The following FRYL variants were observed in gnomAD, a reference collection of about 807,000 sequenced individuals.
FRYL encodes the protein protein furry homolog-like.
Under a neutral mutation model 351.2 loss-of-function variants are expected in FRYL, and 150 were observed. The observed-to-expected ratio is 0.43, with a 90% CI of 0.37 to 0.49. FRYL has a LOEUF of 0.49. FRYL is among the 20% of genes least tolerant of loss of function. The pLI is 0.00. For synonymous variants in FRYL, 1,153 were observed against 1,257.1 expected, an observed-to-expected ratio of 0.92 and a Z score of 1.75; for missense variants, 3,036 against 3,619.3, an observed-to-expected ratio of 0.84 and a Z score of 4.13.
intron 42 of FRYL, among the ~76,000 whole-genome samples, chr4:48,545,387 AG>A (rs1259856140): frequency 2.0e-5 from 3 of 152,132 alleles, no homozygotes; most frequent in Non-Finnish European, 2.9e-5. Flanking sequence ...ACAGGCCCAA[AG>A]TGCCCTGAGA....
Position 48,528,769 on chromosome 4 carries a change from C to T in FRYL, c.6904-433G>A, listed in dbSNP as rs748472464. Among the ~76,000 whole-genome samples the T allele has an allele frequency of 7.2e-5, 11 of 152,106 alleles. No individual in the cohort carries two copies. The South Asian group carries it at 1.7e-3, about 23-fold the overall frequency. On this transcript the variant is annotated intron_variant, in intron 50 of 63. Transcript: ENST00000358350. Reference sequence around the variant, plus strand: ...TTTTCAAAGCATATTGTCAAGTATGCTTCAGCAATGTGGTTTAGCAAATAC... The same window carrying T: ...TTTTCAAAGCATATTGTCAAGTATGTTTCAGCAATGTGGTTTAGCAAATAC...
At chr4:48,571,769 CA>C in intron 26 of FRYL, 1 of 970,820 alleles carries the variant, frequency 1.0e-6, no homozygotes, top group Non-Finnish European at 1.2e-6. Context: ...AAGATTTCTG[CA>C]ACTGGCTTTT....
rs1028375113 is a variant in FRYL, at chr4:48,590,655, T to C, written c.1507+4A>G. 2.5e-6 allele frequency: 4 copies of C among 1,580,848 alleles called. No homozygotes were observed. In the African/African-American group the frequency reaches 4.1e-5, roughly 16 times the overall value. On this transcript the variant is annotated splice_donor_region_variant and intron_variant, in intron 17 of 63. Coordinates refer to ENST00000358350, the MANE Select transcript of FRYL (RefSeq NM_015030.2). ...AAGCAACATTTAATTTCAATTAAACTAACCTATGACTTTTGCTTCTTCATC... is the reference window on the plus strand; with the variant it reads ...AAGCAACATTTAATTTCAATTAAACCAACCTATGACTTTTGCTTCTTCATC...
At position 48,575,224 on chromosome 4, in the gene FRYL, G is replaced by A. The variant is rs757555642; in HGVS notation, c.2739C>T (p.Ser913=). 6.2e-7 allele frequency: 1 copy of A among 1,613,392 alleles called. No individual in the cohort carries two copies. The highest frequency in any genetic ancestry group is 1.1e-5 in the South Asian group (1 of 90,992). Residue 913 remains serine, a synonymous_variant, in exon 25 of 64, where the codon TCC becomes TCT. Transcript: ENST00000358350. ...SIDSKIIGIP[S]PSSLFKHIVP... ...CTATGTGCTTAAACAAGGATGAAGG[G>A]GATGGGATGCCAATAATCTGGAAAA...
intron 1 of FRYL, among the ~76,000 whole-genome samples, chr4:48,711,031 T>C (rs1767936363): frequency 6.6e-6 from 1 of 152,208 alleles, no homozygotes; most frequent in African/African-American, 2.4e-5. Flanking sequence ...AAAGTACTGA[T>C]ACATGCTACA....
chr4:48,710,900 C>T (rs1767922268), intron 1 of FRYL, among the ~76,000 whole-genome samples: 1 of 152,128 alleles, frequency 6.6e-6, no homozygotes, highest in Non-Finnish European at 1.5e-5. Context: ...TACAAATGTT[C>T]ATAGCAGCAT....
rs759510935 is a variant in FRYL, at chr4:48,567,423, G to T, written c.2997-3C>A. ...CATTATCAAGGCCACCACTTGCACT[G>T]AAAATATTGAAGAAAACAAAAGATG... On this transcript the variant is annotated splice_region_variant and splice_polypyrimidine_tract_variant and intron_variant, in intron 27 of 63. Transcript: ENST00000358350. The surrounding 1 kb of genome is among the most constrained non-coding windows in gnomAD (Gnocchi z 4.2). 1.0e-5 allele frequency: 16 copies of T among 1,582,424 alleles called. No individual in the cohort carries two copies. The highest frequency in any genetic ancestry group is 1.4e-5 in the African/African-American group (1 of 73,254).
intron 3 of FRYL, 139 bp from the exon 4 acceptor site, chr4:48,634,629 C>T (rs1486234550): frequency 1.5e-5 from 8 of 545,706 alleles, no homozygotes; most frequent in Non-Finnish European, 2.6e-5. Context: ...TCCATTTTGT[C>T]TATTTCTAAC....
In FRYL at chr4:48,576,892, G is replaced by A. The variant is rs553471449; in HGVS notation, c.2529-670C>T. Among the ~76,000 whole-genome samples the A allele has an allele frequency of 1.6e-3, 250 of 152,144 alleles. 2 individuals carry two copies. The highest frequency in any genetic ancestry group is 5.8e-3 in the African/African-American group (241 of 41,514). ...TTTAATTCATATACATGAACTATAA[G>A]TGCATGAATACATCTCTTTTAATTT... On this transcript the variant is annotated intron_variant, in intron 23 of 63. Transcript: ENST00000358350.
chr4:48,501,955 G>A (rs892218284), intron 61 of FRYL, among the ~76,000 whole-genome samples: 3 of 152,144 alleles, frequency 2.0e-5, no homozygotes, highest in Admixed American at 6.5e-5. Context: ...TTAATGTTAA[G>A]CACATTTTCA....
At chr4:48,614,531 G>T (rs1358370967) in intron 7 of FRYL, among the ~76,000 whole-genome samples, 1 of 151,932 alleles carries the variant, frequency 6.6e-6, no homozygotes, top group African/African-American at 2.4e-5. Flanking sequence ...TGACTAGCCT[G>T]ACCAACATGG....
chr4:48,515,651 T>C (rs1723427732), intron 55 of FRYL, among the ~76,000 whole-genome samples: 3 of 152,098 alleles, frequency 2.0e-5, no homozygotes, highest in African/African-American at 4.8e-5. Context: ...GGATTACAGG[T>C]GTGAGACACT....
rs766163060 is a variant in FRYL, at chr4:48,567,539, G to A, written c.2997-119C>T. The A allele has an allele frequency of 5.0e-5, 31 of 623,590 alleles. No individual in the cohort carries two copies. Among genetic ancestry groups the A allele is most frequent in the East Asian group, 1.2e-4 (4 of 32,310 alleles). 38.6% of individuals were successfully genotyped at this position (623,590 alleles called of 1,614,324 possible). A position where few individuals can be genotyped will look rare whatever the true frequency, so the allele number is the denominator to read the frequency against. On this transcript the variant is annotated intron_variant, in intron 27 of 63. Transcript: ENST00000358350. The surrounding 1 kb of genome is among the most constrained non-coding windows in gnomAD (Gnocchi z 4.2). Reference sequence around the variant, plus strand: ...TAATTTTGCATGCTCATGGCAGCACGCAACTTAATATATGAAAATTAAATG... The same window carrying A: ...TAATTTTGCATGCTCATGGCAGCACACAACTTAATATATGAAAATTAAATG...
chr4:48,684,400 A>T (rs1442770917), intron 3 of FRYL, among the ~76,000 whole-genome samples: 1 of 152,170 alleles, frequency 6.6e-6, no homozygotes, highest in Non-Finnish European at 1.5e-5. Flanking sequence ...CATTGAGAGG[A>T]TCCACTCTGA....
intron 1 of FRYL, among the ~76,000 whole-genome samples, chr4:48,779,560 T>A (rs1579012603): frequency 6.6e-6 from 1 of 151,750 alleles, no homozygotes; most frequent in South Asian, 2.1e-4. Flanking sequence ...GCCGCCGCGC[T>A]AAGTTTGCTC....
intron 1 of FRYL, among the ~76,000 whole-genome samples, chr4:48,768,817 T>C (rs1369692789): frequency 4.0e-5 from 6 of 150,896 alleles, no homozygotes; most frequent in Non-Finnish European, 5.9e-5. Context: ...GTACAATTCA[T>C]AGAACAAAAA....
chr4:48,745,640 T>C (rs1025491779), intron 1 of FRYL, among the ~76,000 whole-genome samples: 13 of 152,080 alleles, frequency 8.5e-5, no homozygotes, highest in Non-Finnish European at 1.6e-4. Flanking sequence ...CATTAGGAGA[T>C]ATACCTAATG....
chr4:48,542,737 CA>C (rs1730503076), intron 44 of FRYL, among the ~76,000 whole-genome samples: 1 of 152,092 alleles, frequency 6.6e-6, no homozygotes, highest in African/African-American at 2.4e-5. Flanking sequence ...TTTTAAAATA[CA>C]CATTAAAAAT....
chr4:48,720,456 C>T (rs987931556), intron 1 of FRYL, among the ~76,000 whole-genome samples: 5 of 152,112 alleles, frequency 3.3e-5, no homozygotes, highest in Admixed American at 3.3e-4. Flanking sequence ...GAGATCACGC[C>T]ACTTCACTCC....
Sources: gnomAD v4.1 joint callset for allele counts (sites outside exome capture counted in the v4.1 genomes callset) on GRCh38, gnomAD v4.1.1 for gene constraint, Gnocchi (gnomAD v3.1) non-coding constraint, MANE v1.5 for transcripts, NCBI Gene and HGNC (gene_info 2026-07-23, HGNC 2026-07-21) for gene names.